SHPRH: variants seen among roughly 807,000 people sequenced by gnomAD.
The protein encoded by SHPRH is SNF2 histone linker PHD RING helicase.
Under a neutral mutation model 202.5 loss-of-function variants are expected in SHPRH, and 106 were observed. The observed-to-expected ratio is 0.52, with a 90% CI of 0.45 to 0.62. The LOEUF (loss-of-function observed/expected upper bound fraction) is 0.62. Among genes scored for constraint, SHPRH ranks in the 20% least tolerant of loss-of-function variants. SHPRH has a pLI of 0.00. For missense variants in SHPRH, 1,710 were observed against 2,020.0 expected, an observed-to-expected ratio of 0.85 and a Z score of 2.94; for synonymous variants, 729 against 686.0, an observed-to-expected ratio of 1.06 and a Z score of -0.98.
rs1781738210 is a variant in SHPRH at position 145,893,410 on chromosome 6, C to T, written c.4696-17G>A. 4 of 1,564,062 alleles carry T rather than the reference C, an allele frequency of 2.6e-6. No homozygotes were observed. Among genetic ancestry groups the T allele is most frequent in the African/African-American group, 1.4e-5 (1 of 71,462 alleles). On this transcript the variant is annotated splice_polypyrimidine_tract_variant and intron_variant, in intron 27 of 29. Transcript: ENST00000275233. ...AAGGTTCTCCTAAAAAAGAAAGGTA[C>T]ATTTTAATTTTAGCTCGATCAGTTA...
At chr6:145,878,977 G>A (rs548509871) in intron 2 of SHPRH, among the ~76,000 whole-genome samples, 3 of 152,222 alleles carry the variant, frequency 2.0e-5, no homozygotes, top group Admixed American at 6.5e-5. Context: ...ACTGTTCATG[G>A]ACTTCAAAAG....
chr6:145,940,701 A>T, intron 11 of SHPRH, 22 bp downstream of exon 11: 1 of 1,610,230 alleles, frequency 6.2e-7, no homozygotes. Context: ...TGCATGCAAT[A>T]TGTGAGGAAA....
intron 8 of SHPRH, among the ~76,000 whole-genome samples, chr6:145,945,030 G>C (rs569596541): frequency 1.3e-5 from 2 of 152,076 alleles, no homozygotes; most frequent in South Asian, 4.2e-4. Flanking sequence ...ATTCTAGCCA[G>C]GGCAATAGAT....
At chr6:145,902,869 C>CT (rs1272573525) in intron 25 of SHPRH, among the ~76,000 whole-genome samples, 1 of 152,044 alleles carries the variant, frequency 6.6e-6, no homozygotes, top group Non-Finnish European at 1.5e-5. Context: ...AACAAGTCCT[C>CT]TACCTTTTAA....
In SHPRH at chr6:145,916,821, C is replaced by T. The variant is rs139940349; in HGVS notation, c.4254+1310G>A. Among the ~76,000 whole-genome samples, 32 of 151,928 alleles carry T rather than the reference C, an allele frequency of 2.1e-4. 1 individual carries two copies. The East Asian group carries it at 5.6e-3, about 27-fold the overall frequency. On this transcript the variant is annotated intron_variant, in intron 23 of 29. Transcript: ENST00000275233. ...TTTTTGAGATGGAATCTCGCTCTGTCGCCTAGGCTGGAGTGCAATGGCGCA... is the reference window on the plus strand; with the variant it reads ...TTTTTGAGATGGAATCTCGCTCTGTTGCCTAGGCTGGAGTGCAATGGCGCA...
intron 20 of SHPRH, 72 bp from the exon 21 acceptor site, chr6:145,921,464 T>C: frequency 7.2e-7 from 1 of 1,397,752 alleles, no homozygotes; most frequent in Non-Finnish European, 1.0e-6. Context: ...ATGTGAGTTC[T>C]AAAAGAACAT....
intron 9 of SHPRH, 130 bp downstream of exon 9, chr6:145,943,013 G>C (rs1786961052): frequency 9.1e-7 from 1 of 1,098,632 alleles, no homozygotes; most frequent in Non-Finnish European, 1.3e-6. Context: ...TTTAAGCTTT[G>C]ATTTAACATT....
intron 23 of SHPRH, chr6:145,917,567 G>A (rs965216019): frequency 6.7e-6 from 1 of 148,254 alleles, no homozygotes; most frequent in Admixed American, 6.9e-5. Context: ...CTTGCCCCTA[G>A]AAGGTTCTCT....
At chr6:145,900,635 TG>T (rs1261746581) in intron 25 of SHPRH, among the ~76,000 whole-genome samples, 2 of 152,106 alleles carry the variant, frequency 1.3e-5, no homozygotes, top group African/African-American at 2.4e-5. Context: ...TTGGTATTCA[TG>T]GGGAGTTCTA....
At chr6:145,952,214 A>T in intron 3 of SHPRH, 135 bp downstream of exon 3, 1 of 762,898 alleles carries the variant, frequency 1.3e-6, no homozygotes, top group Non-Finnish European at 2.0e-6. Context: ...TCAAATAAGT[A>T]TAATTTGCCA....
intron 23 of SHPRH, 50 bp downstream of exon 23, chr6:145,918,081 G>A (rs1463161730): frequency 1.0e-5 from 15 of 1,429,862 alleles, no homozygotes; most frequent in African/African-American, 1.0e-4. Flanking sequence ...CACTAAAGTG[G>A]TTTATGATAA....
chr6:145,904,513 G>A (rs1349122141), intron 25 of SHPRH: 1 of 152,208 alleles, frequency 6.6e-6, no homozygotes, highest in African/African-American at 2.4e-5. Flanking sequence ...CAAGAGAGGG[G>A]TGAAGTCTCA....
Position 145,894,135 on chromosome 6 carries a change from A to G in SHPRH, c.4695+15T>C. On this transcript the variant is annotated intron_variant, in intron 27 of 29. Coordinates refer to ENST00000275233, the MANE Select transcript of SHPRH (RefSeq NM_001042683.3). ...CTGTATCCACTACAAAAACCGGAGT[A>G]AAATCTTAACATACCTGAAATGTCT... The G allele has an allele frequency of 6.3e-7, 1 of 1,579,232 alleles. No homozygotes were observed. Among genetic ancestry groups the G allele is most frequent in the Non-Finnish European group, 8.6e-7 (1 of 1,167,198 alleles).
intron 15 of SHPRH, 49 bp downstream of exon 15, chr6:145,927,140 G>T: frequency 6.5e-7 from 1 of 1,531,584 alleles, no homozygotes; most frequent in Non-Finnish European, 9.0e-7. Context: ...AAATTATTTT[G>T]TTAAAAAAAC....
Position 145,943,160 on chromosome 6 carries a change from A to T in SHPRH, c.2221T>A (p.Ser741Thr), listed in dbSNP as rs1786977496. 1 of 1,598,182 alleles carries T rather than the reference A, an allele frequency of 6.3e-7. No homozygotes were observed. Residue 741 changes from serine (S) to threonine (T), a missense_variant, in exon 9 of 30, where the codon TCA becomes ACA. By Grantham distance (58) the Ser-to-Thr change is moderately conservative. Transcript: ENST00000275233. ...VDEINRHVRSSSLRVLVYQGV... is the reference protein window; with the variant it reads ...VDEINRHVRSTSLRVLVYQGV... Reference sequence around the variant, plus strand: ...GGCCTTACCAAGACTCGAAGAGATGACGACCTCACATGCCTGTTGATCTCA... The same window carrying T: ...GGCCTTACCAAGACTCGAAGAGATGTCGACCTCACATGCCTGTTGATCTCA...
At chr6:145,935,716 G>T in intron 11 of SHPRH, 1 of 267,820 alleles carries the variant, frequency 3.7e-6, no homozygotes. Flanking sequence ...ATCTGAAACT[G>T]TTATCAGAAG....
chr6:145,960,451 A>G (rs889246985), intron 1 of SHPRH, among the ~76,000 whole-genome samples: 11 of 152,198 alleles, frequency 7.2e-5, no homozygotes, highest in Non-Finnish European at 1.0e-4. Context: ...AATGTATCAC[A>G]CTAACCATAA....
chr6:145,898,129 C>T (rs963877317), intron 25 of SHPRH, among the ~76,000 whole-genome samples: 1 of 152,060 alleles, frequency 6.6e-6, no homozygotes, highest in African/African-American at 2.4e-5. Context: ...CACCAAAAAT[C>T]TGTTAAAAGC....
chr6:145,935,217 C>G (rs1562342284), intron 12 of SHPRH, 54 bp from the exon 13 acceptor site: 1 of 1,599,244 alleles, frequency 6.3e-7, no homozygotes, highest in Non-Finnish European at 8.5e-7. Flanking sequence ...ATTTATCTTT[C>G]CATCCCAATT....
Sources: gnomAD v4.1 joint callset for allele counts (sites outside exome capture counted in the v4.1 genomes callset) on GRCh38, gnomAD v4.1.1 for gene constraint, MANE v1.5 for transcripts, NCBI Gene and HGNC (gene_info 2026-07-23, HGNC 2026-07-21) for gene names.